PAQR7: variants seen among roughly 807,000 people sequenced by gnomAD.
The protein encoded by PAQR7 is progestin and adipoQ receptor family member 7.
A neutral mutation model predicts 24.6 loss-of-function variants in PAQR7; 14 were observed. That is an observed-to-expected ratio of 0.57 (90% CI 0.38 to 0.89). PAQR7 has a LOEUF of 0.89. PAQR7 is among the 40% of genes least tolerant of loss of function. The pLI, the probability that PAQR7 is intolerant of heterozygous loss-of-function variation, is 0.00. For synonymous variants in PAQR7, 189 were observed against 198.8 expected (o/e 0.95, Z 0.42); for missense variants, 351 against 444.0 (o/e 0.79, Z 1.88).
Position 25,863,684 on chromosome 1 carries a change from C to T in PAQR7, c.156G>A (p.Arg52=), listed in dbSNP as rs1017073371. 1.2e-6 allele frequency: 2 copies of T among 1,614,176 alleles called. No individual in the cohort carries two copies. Among genetic ancestry groups the T allele is most frequent in the Non-Finnish European group, 1.7e-6 (2 of 1,180,042 alleles). ...AGAAGCGCCAGGTCTGATGCAGCGG[C>T]CGGTAGCCCGCATAGATGTACGGCT... ...FWKPYIYAGY[R]PLHQTWRFYF... The change falls in exon 3 of 3, where the codon CGG becomes CGA. Residue 52 remains arginine (R), a synonymous_variant. Coordinates refer to ENST00000675840, the MANE Select transcript of PAQR7 (RefSeq NM_178422.6). This position sits in a 1 kb window ranked among gnomAD's most constrained non-coding sequence, Gnocchi z 6.1.
chr1:25,870,133 T>C (rs2048591272), intron 2 of PAQR7, among the ~76,000 whole-genome samples: 2 of 152,114 alleles, frequency 1.3e-5, no homozygotes, highest in Admixed American at 6.5e-5. Context: ...AGGATGAGGA[T>C]GGATATCCGG....
chr1:25,868,122 C>CT (rs1557466005), intron 2 of PAQR7, among the ~76,000 whole-genome samples: 1 of 152,240 alleles, frequency 6.6e-6, no homozygotes, highest in Admixed American at 6.5e-5. Flanking sequence ...TTGTCCACAA[C>CT]TTTGTCTTCC....
rs767872059 is a variant in PAQR7, at chr1:25,862,969, C to G, written c.871G>C (p.Glu291Gln). Residue 291 changes from glutamate (E) to glutamine (Q), a missense_variant, in exon 3 of 3, where the codon GAG (glutamate) becomes CAG (glutamine). Transcript: ENST00000675840. ...GCCTCATAGTCCAGTGCCACAGCCT[C>G]CAGCTGAGCCAGCGTGCACAGCACC... ...FLVLCTLAQLEAVALDYEARR... is the reference protein window; with the variant it reads ...FLVLCTLAQLQAVALDYEARR... 6.2e-7 allele frequency: 1 copy of G among 1,614,016 alleles called. No homozygotes were observed. Among genetic ancestry groups the G allele is most frequent in the Non-Finnish European group, 8.5e-7 (1 of 1,180,054 alleles).
At chr1:25,872,468 C>T (rs948788931) in intron 1 of PAQR7, among the ~76,000 whole-genome samples, 1 of 151,166 alleles carries the variant, frequency 6.6e-6, no homozygotes, top group Non-Finnish European at 1.5e-5. Flanking sequence ...CCTCGCAGAA[C>T]TAACAGCCCA....
intron 2 of PAQR7, among the ~76,000 whole-genome samples, chr1:25,868,808 T>C (rs1190432661): frequency 6.6e-6 from 1 of 151,184 alleles, no homozygotes; most frequent in Non-Finnish European, 1.5e-5. Flanking sequence ...TGACCACGGA[T>C]TCCTTCCGTA....
chr1:25,862,886 G>C lies in PAQR7; in HGVS notation c.954C>G (p.Leu318=). ...TGCTGCTGCCCACCGTGAGCAGGAAGAGGCCAGAAAAGTTGTGAGGCCAGT... is the reference window on the plus strand; with the variant it reads ...TGCTGCTGCCCACCGTGAGCAGGAACAGGCCAGAAAAGTTGTGAGGCCAGT... The part of the protein sequence containing the change: ...HTHWPHNFSG[L]FLLTVGSSIL... The change falls in exon 3 of 3, where the codon CTC becomes CTG. Residue 318 remains leucine, a synonymous_variant. Coordinates refer to ENST00000675840, the MANE Select transcript of PAQR7 (RefSeq NM_178422.6). 6.2e-7 allele frequency: 1 copy of C among 1,614,224 alleles called. No individual in the cohort carries two copies. The highest frequency in any genetic ancestry group is 8.5e-7 in the Non-Finnish European group (1 of 1,180,034).
chr1:25,873,432 C>T (rs1040208929), intron 1 of PAQR7, among the ~76,000 whole-genome samples: 3 of 152,170 alleles, frequency 2.0e-5, no homozygotes, highest in African/African-American at 7.2e-5. Context: ...TCAATGCAGG[C>T]TAACTCCCCA....
In PAQR7 at chr1:25,863,119, G is replaced by C. The variant is rs1200706660; in HGVS notation, c.721C>G (p.His241Asp). 1 of 1,614,158 alleles carries C rather than the reference G, an allele frequency of 6.2e-7. No homozygotes were observed. Among genetic ancestry groups the C allele is most frequent in the Non-Finnish European group, 8.5e-7 (1 of 1,180,046 alleles). Residue 241 changes from histidine to aspartate, a missense_variant, in exon 3 of 3, where the codon CAC becomes GAC. Transcript: ENST00000675840. The surrounding 1 kb of genome is among the most constrained non-coding windows in gnomAD (Gnocchi z 6.1). ...AGAAAGAAGACCACCTGGCACTTGTGGTAGAGAAGAGCTGGATCATCCGTG... is the reference window on the plus strand; with the variant it reads ...AGAAAGAAGACCACCTGGCACTTGTCGTAGAGAAGAGCTGGATCATCCGTG... Reference protein sequence around the residue: ...PTTDDPALLYHKCQVVFFLLA... With the variant: ...PTTDDPALLYDKCQVVFFLLA...
rs1282815298 is a variant in PAQR7, at chr1:25,863,471, C to T, written c.369G>A (p.Leu123=). The T allele has an allele frequency of 6.2e-7, 1 of 1,613,992 alleles. No individual in the cohort carries two copies. The highest frequency in any genetic ancestry group is 8.5e-7 in the Non-Finnish European group (1 of 1,180,030). ...ASFTYLSFSA[L]AHLLQAKSEF... ...CAGACTTGGCCTGCAGGAGGTGAGCCAAGGCACTGAAGGAGAGGTAGGTGA... is the reference window on the plus strand; with the variant it reads ...CAGACTTGGCCTGCAGGAGGTGAGCTAAGGCACTGAAGGAGAGGTAGGTGA... Residue 123 remains leucine (L), a synonymous_variant, in exon 3 of 3, where the codon TTG becomes TTA. Transcript: ENST00000675840. This position sits in a 1 kb window ranked among gnomAD's most constrained non-coding sequence, Gnocchi z 6.1.
Position 25,863,916 on chromosome 1 carries a change from AG to A in PAQR7, c.-22-56del. The A allele has an allele frequency of 7.2e-7, 1 of 1,386,952 alleles. No individual in the cohort carries two copies. 85.9% of individuals were successfully genotyped at this position (1,386,952 alleles called of 1,614,324 possible). A position where few individuals can be genotyped will look rare whatever the true frequency, so the allele number is the denominator to read the frequency against. On this transcript the variant is annotated intron_variant, in intron 2 of 2. Transcript: ENST00000675840. This position sits in a 1 kb window ranked among gnomAD's most constrained non-coding sequence, Gnocchi z 6.1. ...GCCTGGTGTCCTCACCCCCACGAGC[AG>A]CAGCTGGGGGGCTCTGATGCCCAAA...
intron 2 of PAQR7, among the ~76,000 whole-genome samples, chr1:25,868,709 C>CAAA (rs35304131): frequency 9.9e-4 from 89 of 89,472 alleles, no homozygotes; most frequent in East Asian, 2.5e-3. Flanking sequence ...GACCCTTTCT[C>CAAA]AAAAAAAAAA....
In PAQR7 at chr1:25,863,597, C is replaced by T. The variant is rs150686205; in HGVS notation, c.243G>A (p.Ala81=). Residue 81 remains alanine, a synonymous_variant, in exon 3 of 3, where the codon GCG becomes GCA. Transcript: ENST00000675840. The surrounding 1 kb of genome is among the most constrained non-coding windows in gnomAD (Gnocchi z 6.1). ...EAVNVWTHLL[A]ALVLLLRLAL... ...CCAGCCGCAGCAGCAGTACCAGGGC[C>T]GCCAGCAGGTGGGTCCAGACATTCA... 2.5e-5 allele frequency: 41 copies of T among 1,614,204 alleles called. No homozygotes were observed. In the African/African-American group the frequency reaches 3.7e-4, roughly 15 times the overall value.
intron 2 of PAQR7, among the ~76,000 whole-genome samples, chr1:25,869,527 G>A (rs913595025): frequency 1.3e-5 from 2 of 148,654 alleles, no homozygotes; most frequent in African/African-American, 2.5e-5. Flanking sequence ...AGCCGAGATC[G>A]TGCCACTGTA....
chr1:25,863,794 G>A lies in PAQR7; in HGVS notation c.46C>T (p.Gln16Ter), dbSNP rs1282277106. Reference protein sequence around the residue: ...KLSHLLPSLRQVIQEPQLSLQ... With the variant: ...KLSHLLPSLR ...GATAGCTGAGGCTCCTGGATGACCTGCCGCAGACTCGGCAGGAGGTGGCTG... is the reference window on the plus strand; with the variant it reads ...GATAGCTGAGGCTCCTGGATGACCTACCGCAGACTCGGCAGGAGGTGGCTG... Residue 16 changes from glutamine (Q) to a stop codon, truncating the protein, a stop_gained, in exon 3 of 3, where the codon CAG (glutamine) becomes TAG (stop). Coordinates refer to ENST00000675840, the MANE Select transcript of PAQR7 (RefSeq NM_178422.6). LOFTEE classifies it high-confidence loss of function. This position sits in a 1 kb window ranked among gnomAD's most constrained non-coding sequence, Gnocchi z 6.1. 1 of 1,613,610 alleles carries A rather than the reference G, an allele frequency of 6.2e-7. No homozygotes were observed. The highest frequency in any genetic ancestry group is 8.5e-7 in the Non-Finnish European group (1 of 1,179,944).
intron 1 of PAQR7, among the ~76,000 whole-genome samples, chr1:25,871,596 C>G (rs936749656): frequency 6.6e-6 from 1 of 152,060 alleles, no homozygotes; most frequent in Non-Finnish European, 1.5e-5. Context: ...CAAGGTCAGC[C>G]CTCCTCACCT....
intron 1 of PAQR7, chr1:25,871,114 T>A (rs1020417865): frequency 1.3e-5 from 2 of 152,222 alleles, no homozygotes; most frequent in Non-Finnish European, 2.9e-5. Context: ...AAGTTCACTG[T>A]GTGCTTAAAC....
At chr1:25,867,330 C>G (rs1376715301) in intron 2 of PAQR7, among the ~76,000 whole-genome samples, 1 of 152,210 alleles carries the variant, frequency 6.6e-6, no homozygotes, top group African/African-American at 2.4e-5. Context: ...CCACTGTGCT[C>G]TTAACCACTA....
Position 25,862,049 on chromosome 1 carries a change from T to C in PAQR7, c.*750A>G, listed in dbSNP as rs1353708050. On this transcript the variant is annotated 3_prime_UTR_variant, in exon 3 of 3. Coordinates refer to ENST00000675840, the MANE Select transcript of PAQR7 (RefSeq NM_178422.6). ...AAAAAAAAAAAAAAAAAAAAGCCTTTGTCATCTTGCATTGATCCACAGGGC... is the reference window on the plus strand; with the variant it reads ...AAAAAAAAAAAAAAAAAAAAGCCTTCGTCATCTTGCATTGATCCACAGGGC... The C allele has an allele frequency of 6.9e-6, 1 of 145,508 alleles. No homozygotes were observed. The highest frequency in any genetic ancestry group is 1.5e-5 in the Non-Finnish European group (1 of 67,040). 9.0% of individuals were successfully genotyped at this position (145,508 alleles called of 1,614,324 possible). A position where few individuals can be genotyped will look rare whatever the true frequency, so the allele number is the denominator to read the frequency against.
Position 25,863,106 on chromosome 1 carries a change from A to T in PAQR7, c.734T>A (p.Val245Glu). The change falls in exon 3 of 3, where the codon GTG becomes GAG. Residue 245 changes from valine (V) to glutamate (E), a missense_variant. Physicochemically the swap from Val to Glu is moderately radical, Grantham distance 121 (BLOSUM62 -2). Transcript: ENST00000675840. This position sits in a 1 kb window ranked among gnomAD's most constrained non-coding sequence, Gnocchi z 6.1. ...DPALLYHKCQ[V>E]VFFLLAAAFF... ...GGCAGCAGCCAGCAGAAAGAAGACC[A>T]CCTGGCACTTGTGGTAGAGAAGAGC... The T allele has an allele frequency of 6.2e-7, 1 of 1,614,086 alleles. No individual in the cohort carries two copies. Among genetic ancestry groups the T allele is most frequent in the Non-Finnish European group, 8.5e-7 (1 of 1,180,042 alleles).
Sources: allele counts gnomAD v4.1 joint callset (sites outside exome capture counted in the v4.1 genomes callset), GRCh38; gene constraint gnomAD v4.1.1; non-coding constraint Gnocchi (gnomAD v3.1); transcripts MANE v1.5; gene names NCBI Gene and HGNC (gene_info 2026-07-23, HGNC 2026-07-21).